Variants in RETREG1 observed in about 807,000 individuals in gnomAD.
The protein encoded by RETREG1 is reticulophagy regulator 1, also known as family with sequence similarity 134 member B.
Under a neutral mutation model 54.8 loss-of-function variants are expected in RETREG1, and 44 were observed. That is an observed-to-expected ratio of 0.80 (90% confidence interval 0.63 to 1.03). RETREG1 has a LOEUF of 1.03. Ranked by LOEUF, RETREG1 falls within the 50% of genes least tolerant of loss-of-function variation. The pLI, the probability that RETREG1 is intolerant of heterozygous loss-of-function variation, is 0.00. For synonymous variants in RETREG1, 217 were observed against 238.5 expected (o/e 0.91, Z 0.83); for missense variants, 554 against 605.1 (o/e 0.92, Z 0.89).
intron 1 of RETREG1, among the ~76,000 whole-genome samples, chr5:16,610,759 G>C (rs1743319918): frequency 6.6e-6 from 1 of 152,144 alleles, no homozygotes; most frequent in Admixed American, 6.5e-5. Flanking sequence ...GGAAACAACA[G>C]GTGCTGCAGA....
intron 1 of RETREG1, among the ~76,000 whole-genome samples, chr5:16,583,734 T>A (rs192986035): frequency 6.6e-6 from 1 of 152,264 alleles, no homozygotes; most frequent in East Asian, 1.9e-4. Flanking sequence ...AATCTAACCC[T>A]CATTTCTGAG....
chr5:16,477,632 A>T, intron 8 of RETREG1, 30 bp downstream of exon 8: 1 of 1,608,386 alleles, frequency 6.2e-7, no homozygotes, highest in Non-Finnish European at 8.5e-7. Context: ...GCACTCATAA[A>T]AATAAATGTC....
intron 3 of RETREG1, among the ~76,000 whole-genome samples, chr5:16,506,093 C>T (rs757533097): frequency 7.2e-5 from 11 of 152,218 alleles, no homozygotes; most frequent in South Asian, 2.1e-4. Flanking sequence ...AATGGTGCCT[C>T]GGGGCCATCA....
Position 16,593,931 on chromosome 5 carries a change from T to C in RETREG1, c.321-21829A>G, listed in dbSNP as rs955337407. ...CGAATACAACGAATGTCTGGCCTTC[T>C]TTCTAGACACCTGGTAGTTCCAACA... On this transcript the variant is annotated intron_variant, in intron 1 of 8. Coordinates refer to ENST00000306320, the MANE Select transcript of RETREG1 (RefSeq NM_001034850.3). The surrounding 1 kb of genome is among the most constrained non-coding windows in gnomAD (Gnocchi z 4.9). Among the ~76,000 whole-genome samples, 1 of 152,246 alleles carries C rather than the reference T, an allele frequency of 6.6e-6. No individual in the cohort carries two copies. The highest frequency in any genetic ancestry group is 1.5e-5 in the Non-Finnish European group (1 of 68,040).
chr5:16,569,134 T>C (rs1005850456), intron 2 of RETREG1, among the ~76,000 whole-genome samples: 1 of 152,110 alleles, frequency 6.6e-6, no homozygotes, highest in Non-Finnish European at 1.5e-5. Flanking sequence ...CTAGGAGGCC[T>C]GCGAGATGGG....
intron 3 of RETREG1, among the ~76,000 whole-genome samples, chr5:16,517,589 C>T (rs186726871): frequency 1.3e-5 from 2 of 152,266 alleles, no homozygotes; most frequent in Middle Eastern, 3.4e-3. Context: ...TCCCATCAAC[C>T]CTAACATATT....
chr5:16,525,178 G>C lies in RETREG1; in HGVS notation c.458+40585C>G, dbSNP rs186674040. Among the ~76,000 whole-genome samples the C allele has an allele frequency of 1.5e-3, 230 of 150,700 alleles. 4 individuals carry two copies. Among genetic ancestry groups the C allele is most frequent in the Non-Finnish European group, 2.7e-3 (186 of 67,678 alleles). ...GGCTCCTGCAGGTGGATGTGCATAG[G>C]GGACACTGTGCTGACATGTGTCCTC... On this transcript the variant is annotated intron_variant, in intron 3 of 8. Transcript: ENST00000306320.
At chr5:16,560,330 C>T (rs1037863552) in intron 3 of RETREG1, among the ~76,000 whole-genome samples, 5 of 152,126 alleles carry the variant, frequency 3.3e-5, no homozygotes, top group African/African-American at 4.8e-5. Flanking sequence ...ATCTACATAA[C>T]GAGCCATTAG....
At chr5:16,575,341 G>C (rs956494673) in intron 1 of RETREG1, among the ~76,000 whole-genome samples, 1 of 152,168 alleles carries the variant, frequency 6.6e-6, no homozygotes, top group Non-Finnish European at 1.5e-5. Flanking sequence ...CGAACAGCAT[G>C]CTTCCTTAGA....
rs565891606 is a variant in RETREG1 at position 16,500,296 on chromosome 5, G to A, written c.459-16824C>T. Among the ~76,000 whole-genome samples, 14 of 152,284 alleles carry A rather than the reference G, an allele frequency of 9.2e-5. No individual in the cohort carries two copies. In the South Asian group the frequency reaches 1.2e-3, roughly 14 times the overall value. ...TGCATTGCTACATCCAGGTTTTGCCGCATGCCTTTATCAATTTGGGATTCA... is the reference window on the plus strand; with the variant it reads ...TGCATTGCTACATCCAGGTTTTGCCACATGCCTTTATCAATTTGGGATTCA... On this transcript the variant is annotated intron_variant, in intron 3 of 8. Coordinates refer to ENST00000306320, the MANE Select transcript of RETREG1 (RefSeq NM_001034850.3).
intron 3 of RETREG1, among the ~76,000 whole-genome samples, chr5:16,491,537 C>T (rs1025459684): frequency 1.3e-5 from 2 of 152,288 alleles, no homozygotes; most frequent in Admixed American, 1.3e-4. Flanking sequence ...TTTTAATTCA[C>T]TTATCCGAAT....
chr5:16,599,451 C>A (rs1283479241), intron 1 of RETREG1, among the ~76,000 whole-genome samples: 1 of 152,094 alleles, frequency 6.6e-6, no homozygotes, highest in Non-Finnish European at 1.5e-5. Context: ...ATCACAACCA[C>A]ACAGTATTTT....
intron 1 of RETREG1, among the ~76,000 whole-genome samples, chr5:16,592,709 T>C (rs993047641): frequency 3.9e-5 from 5 of 129,642 alleles, no homozygotes; most frequent in Non-Finnish European, 7.3e-5. Context: ...TAGGATACTA[T>C]GCAGCCATAA....
rs143894091 is a variant in RETREG1, at chr5:16,501,225, G to C, written c.459-17753C>G. Among the ~76,000 whole-genome samples, 1,430 of 152,204 alleles carry C rather than the reference G, an allele frequency of 9.4e-3. 27 individuals carry two copies. The highest frequency in any genetic ancestry group is 0.033 in the African/African-American group (1,352 of 41,498). Reference sequence around the variant, plus strand: ...AAACCTATAAAGTAGGTATTATTATGCCCATTTTGCTGATGACAAAATGAA... The same window carrying C: ...AAACCTATAAAGTAGGTATTATTATCCCCATTTTGCTGATGACAAAATGAA... On this transcript the variant is annotated intron_variant, in intron 3 of 8. Coordinates refer to ENST00000306320, the MANE Select transcript of RETREG1 (RefSeq NM_001034850.3).
intron 3 of RETREG1, among the ~76,000 whole-genome samples, chr5:16,510,253 C>G (rs1243836188): frequency 6.6e-6 from 1 of 152,074 alleles, no homozygotes; most frequent in Non-Finnish European, 1.5e-5. Context: ...ATATTTTACG[C>G]AAGACCTAAC....
At chr5:16,547,004 T>C (rs1174755034) in intron 3 of RETREG1, among the ~76,000 whole-genome samples, 2 of 152,214 alleles carry the variant, frequency 1.3e-5, no homozygotes, top group Non-Finnish European at 1.5e-5. Context: ...CTCTCTGATA[T>C]CAGAGACCTT....
chr5:16,510,027 A>C (rs1193795652), intron 3 of RETREG1, among the ~76,000 whole-genome samples: 1 of 152,154 alleles, frequency 6.6e-6, no homozygotes, highest in Non-Finnish European at 1.5e-5. Context: ...AATTTTAAAA[A>C]TAAAAAAATA....
intron 3 of RETREG1, among the ~76,000 whole-genome samples, chr5:16,554,928 T>C (rs1741664268): frequency 6.6e-6 from 1 of 152,144 alleles, no homozygotes; most frequent in South Asian, 2.1e-4. Flanking sequence ...ACAGACGCAA[T>C]CTGCAAACTC....
intron 3 of RETREG1, among the ~76,000 whole-genome samples, chr5:16,519,542 A>G (rs1209047520): frequency 6.6e-6 from 1 of 152,130 alleles, no homozygotes; most frequent in Non-Finnish European, 1.5e-5. Flanking sequence ...TTACCCTTTT[A>G]TCTTTCTCTT....
Sources: gnomAD v4.1 joint callset for allele counts (sites outside exome capture counted in the v4.1 genomes callset) on GRCh38, gnomAD v4.1.1 for gene constraint, Gnocchi (gnomAD v3.1) non-coding constraint, MANE v1.5 for transcripts, NCBI Gene and HGNC (gene_info 2026-07-23, HGNC 2026-07-21) for gene names.